ST3GAL6: variants seen among roughly 807,000 people sequenced by gnomAD.
ST3GAL6 encodes type 2 lactosamine alpha-2,3-sialyltransferase.
In ST3GAL6, 31 loss-of-function variants were observed where a neutral mutation model predicts 40.5. That is an observed-to-expected ratio of 0.77 (90% CI 0.58 to 1.03). ST3GAL6 has a LOEUF of 1.03. ST3GAL6 is among the 50% of genes least tolerant of loss of function. The pLI, the probability that ST3GAL6 is intolerant of heterozygous loss-of-function variation, is 0.00. For missense variants in ST3GAL6, 357 were observed against 393.2 expected, an observed-to-expected ratio of 0.91 and a Z score of 0.78; for synonymous variants, 129 against 136.9, an observed-to-expected ratio of 0.94 and a Z score of 0.40.
At chr3:98,771,150 G>T (rs1255326220) in intron 3 of ST3GAL6, 194 bp downstream of exon 3, 9 of 1,495,320 alleles carry the variant, frequency 6.0e-6, no homozygotes, top group Non-Finnish European at 8.0e-6. Flanking sequence ...TTAAGAAAAG[G>T]CATTGAGGAA....
chr3:98,740,372 A>T (rs548829077), intron 1 of ST3GAL6, among the ~76,000 whole-genome samples: 10 of 151,976 alleles, frequency 6.6e-5, no homozygotes, highest in Non-Finnish European at 1.3e-4. Flanking sequence ...TCTGCTTAAA[A>T]ATCCAGAGAA....
Position 98,791,908 on chromosome 3 carries a change from A to C in ST3GAL6, c.824A>C (p.His275Pro). 1 of 1,614,072 alleles carries C rather than the reference A, an allele frequency of 6.2e-7. No individual in the cohort carries two copies. Among genetic ancestry groups the C allele is most frequent in the Non-Finnish European group, 8.5e-7 (1 of 1,179,948 alleles). ...GCGTTTTACATATGTCACGAAGTTC[A>C]CCTAGCTGGTTTTAAATACAACTTT... Reference protein sequence around the residue: ...TLAFYICHEVHLAGFKYNFSD... With the variant: ...TLAFYICHEVPLAGFKYNFSD... The change falls in exon 9 of 10, where the codon CAC becomes CCC. Residue 275 changes from histidine (H) to proline (P), a missense_variant. Transcript: ENST00000483910.
chr3:98,792,105 A>G (rs1941260219), intron 9 of ST3GAL6, 112 bp downstream of exon 9: 2 of 1,071,602 alleles, frequency 1.9e-6, no homozygotes, highest in Admixed American at 2.8e-5. Flanking sequence ...CACGTTTTGA[A>G]GGGTTGAGGG....
chr3:98,782,643 A>C, intron 5 of ST3GAL6: 1 of 463,604 alleles, frequency 2.2e-6, no homozygotes, highest in Non-Finnish European at 4.1e-6. Flanking sequence ...TCTTCTGAAA[A>C]CATCTCCAAC....
At chr3:98,783,092 CTTTTT>C (rs33936420) in intron 5 of ST3GAL6, 2,120 of 167,562 alleles carry the variant, frequency 0.013, no homozygotes, top group South Asian at 0.035. Context: ...AAGAGAAGGG[CTTTTT>C]TTTTTTTTTT....
chr3:98,733,518 A>C (rs2107231401), intron 1 of ST3GAL6: 1 of 986,208 alleles, frequency 1.0e-6, no homozygotes, highest in Non-Finnish European at 1.2e-6. Flanking sequence ...TTTTTCGAGA[A>C]ACCCTTTTTC....
intron 1 of ST3GAL6, chr3:98,733,262 C>T: frequency 2.0e-6 from 2 of 983,736 alleles, no homozygotes; most frequent in Non-Finnish European, 2.4e-6. Context: ...CGAGAGGGCA[C>T]CCGGGGATCC....
intron 6 of ST3GAL6, among the ~76,000 whole-genome samples, chr3:98,785,430 G>C (rs1252046695): frequency 6.6e-6 from 1 of 152,208 alleles, no homozygotes; most frequent in Non-Finnish European, 1.5e-5. Flanking sequence ...CTTTGAGAAA[G>C]AGACATCTAA....
intron 5 of ST3GAL6, among the ~76,000 whole-genome samples, chr3:98,779,065 C>T (rs1202153199): frequency 6.6e-6 from 1 of 152,118 alleles, no homozygotes; most frequent in African/African-American, 2.4e-5. Flanking sequence ...TGGAGTGGCC[C>T]TGGTTGGGGG....
intron 5 of ST3GAL6, chr3:98,782,241 G>A (rs1318852519): frequency 1.4e-6 from 1 of 703,246 alleles, no homozygotes; most frequent in Non-Finnish European, 2.6e-6. Flanking sequence ...GCTTCCGCCT[G>A]CTGGACAGCA....
intron 3 of ST3GAL6, 81 bp downstream of exon 3, chr3:98,771,037 T>C: frequency 1.3e-6 from 2 of 1,551,254 alleles, no homozygotes; most frequent in Non-Finnish European, 1.8e-6. Context: ...TGTTTATTTT[T>C]TTAATGCAAA....
In ST3GAL6 at chr3:98,766,405, C is replaced by CTTTTTTTT. The variant is rs369996406; in HGVS notation, c.-11-2000_-11-1993dup. On this transcript the variant is annotated intron_variant, in intron 1 of 9. Coordinates refer to ENST00000483910, the MANE Select transcript of ST3GAL6 (RefSeq NM_001323368.2). ...GTTGGATCTTTGCATAAATGTCATTCTTTTTTTTTTTTTTTTTTTTTTTTT... is the reference window on the plus strand; with the variant it reads ...GTTGGATCTTTGCATAAATGTCATTCTTTTTTTTTTTTTTTTTTTTTTTTTTTTTTTTT... 8.6e-4 allele frequency among the ~76,000 whole-genome samples: 89 copies of CTTTTTTTT among 104,092 alleles called. 13 individuals are homozygous for CTTTTTTTT. The highest frequency in any genetic ancestry group is 2.1e-3 in the African/African-American group (52 of 24,414). 68.3% of individuals were successfully genotyped at this position (104,092 alleles called of 152,430 possible). A position where few individuals can be genotyped will look rare whatever the true frequency, so the allele number is the denominator to read the frequency against.
At chr3:98,787,961 A>C in intron 6 of ST3GAL6, 75 bp from the exon 7 acceptor site, 3 of 1,367,034 alleles carry the variant, frequency 2.2e-6, no homozygotes, top group Non-Finnish European at 3.0e-6. Flanking sequence ...CCAACTCTGA[A>C]ACCTCTGAGA....
At position 98,756,398 on chromosome 3, in the gene ST3GAL6, TG is replaced by T. The variant is rs532848363; in HGVS notation, c.-11-12029del. The T allele has an allele frequency of 3.5e-3, 4,575 of 1,289,548 alleles. 17 individuals are homozygous for T. The highest frequency in any genetic ancestry group is 4.3e-3 in the Non-Finnish European group (4,263 of 988,632). The allele number at this position is 1,289,548 out of a possible 1,614,324, so 79.9% of individuals were successfully genotyped here. A position where few individuals can be genotyped will look rare whatever the true frequency, so the allele number is the denominator to read the frequency against. Reference sequence around the variant, plus strand: ...TGCAAGTGAGGAAGCAGCACAACCCTGGGTTTTAGATAATTTCTAACAGAGA... The same window carrying T: ...TGCAAGTGAGGAAGCAGCACAACCCTGGTTTTAGATAATTTCTAACAGAGA... On this transcript the variant is annotated intron_variant, in intron 1 of 9. Coordinates refer to the ST3GAL6 transcript ENST00000265261.
upstream of ST3GAL6, among the ~76,000 whole-genome samples, chr3:98,759,875 C>T (rs1937606164): frequency 6.6e-6 from 1 of 152,020 alleles, no homozygotes; most frequent in South Asian, 2.1e-4. Flanking sequence ...TACATATTTT[C>T]CCTCAAAAAT....
intron 5 of ST3GAL6, chr3:98,783,140 G>T: frequency 5.2e-6 from 1 of 192,454 alleles, no homozygotes. Flanking sequence ...AGCATGCCCA[G>T]GAGCAAGTCA....
intron 1 of ST3GAL6, among the ~76,000 whole-genome samples, chr3:98,747,617 T>G (rs1347672913): frequency 6.6e-6 from 1 of 152,238 alleles, no homozygotes; most frequent in East Asian, 1.9e-4. Context: ...CTCCAAGGAA[T>G]GTACAAATTT....
chr3:98,750,426 T>C (rs74890720), intron 1 of ST3GAL6, among the ~76,000 whole-genome samples: 4,692 of 129,196 alleles, frequency 0.036, 108 homozygotes, highest in Non-Finnish European at 0.058. Context: ...TGAAGACTTT[T>C]GAAATAATGT....
intron 1 of ST3GAL6, among the ~76,000 whole-genome samples, chr3:98,765,148 G>T (rs928955753): frequency 1.3e-5 from 2 of 152,168 alleles, no homozygotes; most frequent in African/African-American, 4.8e-5. Context: ...TCTTGAGCCT[G>T]CCCTAGAGTC....
Sources: allele counts gnomAD v4.1 joint callset (sites outside exome capture counted in the v4.1 genomes callset), GRCh38; gene constraint gnomAD v4.1.1; transcripts MANE v1.5; gene names NCBI Gene and HGNC (gene_info 2026-07-23, HGNC 2026-07-21).